The following HAS3 variants were observed in gnomAD, a reference collection of about 807,000 sequenced individuals.
The protein encoded by HAS3 is HA synthase 3.
A neutral mutation model predicts 50.3 loss-of-function variants in HAS3; 27 were observed. That is an observed-to-expected ratio of 0.54 (90% CI 0.40 to 0.74). The LOEUF (loss-of-function observed/expected upper bound fraction) is 0.74, where lower values mean the gene tolerates loss of function less well. Among genes scored for constraint, HAS3 ranks in the 30% least tolerant of loss-of-function variants. HAS3 has a pLI of 0.00. For synonymous variants in HAS3, 339 were observed against 310.9 expected (o/e 1.09, Z -0.95); for missense variants, 517 against 742.8 (o/e 0.70, Z 3.53).
the HAS3 span, among the ~76,000 whole-genome samples, chr16:69,094,165 A>C: frequency 1.3e-5 from 2 of 152,292 alleles, no homozygotes; most frequent in East Asian, 3.9e-4. Context: ...TAAGTGGTTT[A>C]TTAAATGATG....
the HAS3 span, among the ~76,000 whole-genome samples, chr16:69,088,764 T>C: frequency 1.3e-5 from 2 of 151,740 alleles, no homozygotes. Context: ...TTCCAGGTAA[T>C]GGGAACAGCA....
At chr16:69,089,497 T>C in the HAS3 span, among the ~76,000 whole-genome samples, 1 of 152,216 alleles carries the variant, frequency 6.6e-6, no homozygotes, top group African/African-American at 2.4e-5. Context: ...CAGCAAGCTC[T>C]GCAGCTACAG....
chr16:69,088,651 C>T, the HAS3 span, among the ~76,000 whole-genome samples: 50 of 151,302 alleles, frequency 3.3e-4, no homozygotes, highest in African/African-American at 1.1e-3. Flanking sequence ...AGCGTGGGAA[C>T]AGTAAGTTGA....
upstream of HAS3, among the ~76,000 whole-genome samples, chr16:69,105,101 G>A (rs1385493334): frequency 6.8e-6 from 1 of 146,388 alleles, no homozygotes. Context: ...TCCACCTGCG[G>A]GGTTCAAGCG....
chr16:69,114,108 T>A lies in HAS3; in HGVS notation c.739-235T>A, dbSNP rs903252368. ...GGCTTTGACTGCTAGAGCCACTTAG[T>A]GGGGAAAATCTCTGCAGATAAGATG... On this transcript the variant is annotated intron_variant, in intron 3 of 3. Transcript: ENST00000569188. The surrounding 1 kb of genome is among the most constrained non-coding windows in gnomAD (Gnocchi z 6.4). 6.6e-6 allele frequency among the ~76,000 whole-genome samples: 1 copy of A among 152,032 alleles called. No homozygotes were observed. The highest frequency in any genetic ancestry group is 1.5e-5 in the Non-Finnish European group (1 of 67,994).
At chr16:69,089,547 C>G in the HAS3 span, among the ~76,000 whole-genome samples, 1 of 152,206 alleles carries the variant, frequency 6.6e-6, no homozygotes, top group Non-Finnish European at 1.5e-5. Flanking sequence ...CTGCAGTGCG[C>G]GGCACCTCTG....
Position 69,116,034 on chromosome 16 carries a change from A to G in HAS3, c.*768A>G. 1 of 985,740 alleles carries G rather than the reference A, an allele frequency of 1.0e-6. No homozygotes were observed. 61.1% of individuals were successfully genotyped at this position (985,740 alleles called of 1,614,324 possible). A position where few individuals can be genotyped will look rare whatever the true frequency, so the allele number is the denominator to read the frequency against. On this transcript the variant is annotated 3_prime_UTR_variant, in exon 4 of 4. Coordinates refer to ENST00000569188, the MANE Select transcript of HAS3 (RefSeq NM_001199280.2). ...ACCTGGAAACTGCTCAGACGTCTAG[A>G]TGGGTTCTTAGCTTGTCTGTGATCT...
chr16:69,098,215 C>CA, the HAS3 span, among the ~76,000 whole-genome samples: 3 of 152,020 alleles, frequency 2.0e-5, no homozygotes, highest in African/African-American at 4.8e-5. Flanking sequence ...ACTAAAAATA[C>CA]AAAAAATTAG....
rs1187253708 is a variant in HAS3, at chr16:69,115,027, G to C, written c.1423G>C (p.Val475Leu). ...GGGCACCTCTGGCCGAAAAACCATTGTGGTGAACTTCATTGGCCTCATTCC... is the reference window on the plus strand; with the variant it reads ...GGGCACCTCTGGCCGAAAAACCATTCTGGTGAACTTCATTGGCCTCATTCC... ...GWGTSGRKTI[V>L]VNFIGLIPVS... Residue 475 changes from valine to leucine, a missense_variant, in exon 4 of 4, where the codon GTG becomes CTG. Val to Leu is a conservative substitution (Grantham distance 32). Transcript: ENST00000569188. The C allele has an allele frequency of 6.2e-7, 1 of 1,614,016 alleles. No homozygotes were observed. Among genetic ancestry groups the C allele is most frequent in the African/African-American group, 1.3e-5 (1 of 74,912 alleles).
At chr16:69,118,030 A>T, downstream of HAS3, 1 of 362,760 alleles carries the variant, frequency 2.8e-6, no homozygotes, top group Non-Finnish European at 5.1e-6. Context: ...CCCATTTATT[A>T]AAGAAACAGT....
Position 69,109,560 on chromosome 16 carries a change from C to G in HAS3, c.165C>G (p.His55Gln). ...TGTACGGCGCCATCCTGGGCCTGCA[C>G]CTGCTCATTCAGAGCCTTTTTGCCT... ...FGLYGAILGL[H>Q]LLIQSLFAFL... is the part of the protein sequence containing the mutation. The change falls in exon 2 of 4, where the codon CAC becomes CAG. Residue 55 changes from histidine (H) to glutamine (Q), a missense_variant. Coordinates refer to ENST00000569188, the MANE Select transcript of HAS3 (RefSeq NM_001199280.2). The surrounding 1 kb of genome is among the most constrained non-coding windows in gnomAD (Gnocchi z 5.3). The G allele has an allele frequency of 6.2e-7, 1 of 1,613,848 alleles. No homozygotes were observed. The highest frequency in any genetic ancestry group is 8.5e-7 in the Non-Finnish European group (1 of 1,180,046).
the HAS3 span, among the ~76,000 whole-genome samples, chr16:69,100,425 A>G: frequency 9.2e-5 from 14 of 152,238 alleles, 1 homozygote; most frequent in South Asian, 4.2e-4. Context: ...GCCCAGGGAA[A>G]GTGGATGGGG....
chr16:69,103,503 C>A (rs574456518), upstream of HAS3, among the ~76,000 whole-genome samples: 1 of 152,166 alleles, frequency 6.6e-6, no homozygotes, highest in Non-Finnish European at 1.5e-5. Flanking sequence ...TCAAGTGATT[C>A]TCCTGCCTCA....
In HAS3 at chr16:69,115,434, C is replaced by T. The variant is rs1189855635; in HGVS notation, c.*168C>T. ...ACGGTGATGTAGTATGGCCTGACAG[C>T]TCTGTTTAGAGGAGGCAACACTGAT... On this transcript the variant is annotated 3_prime_UTR_variant, in exon 4 of 4. Coordinates refer to ENST00000569188, the MANE Select transcript of HAS3 (RefSeq NM_001199280.2). 1.5e-6 allele frequency: 2 copies of T among 1,348,850 alleles called. No individual in the cohort carries two copies. Among genetic ancestry groups the T allele is most frequent in the South Asian group, 2.2e-5 (1 of 44,538 alleles). 83.6% of individuals were successfully genotyped at this position (1,348,850 alleles called of 1,614,324 possible).
the HAS3 span, among the ~76,000 whole-genome samples, chr16:69,086,008 C>T: frequency 5.3e-5 from 8 of 151,370 alleles, no homozygotes; most frequent in Non-Finnish European, 1.2e-4. Flanking sequence ...GCTGGGATCA[C>T]AGGTGTGCAC....
upstream of HAS3, among the ~76,000 whole-genome samples, chr16:69,104,992 G>GTGTT (rs1960749369): frequency 2.4e-5 from 2 of 81,958 alleles, no homozygotes; most frequent in Non-Finnish European, 4.5e-5. Context: ...CTGTTTTTTG[G>GTGTT]TTTTTTTTTT....
the HAS3 span, among the ~76,000 whole-genome samples, chr16:69,087,904 A>T: frequency 4.8e-5 from 7 of 146,378 alleles, no homozygotes; most frequent in Non-Finnish European, 1.0e-4. Flanking sequence ...GGGTTTCGCC[A>T]TGTTAGCCAG....
intron 2 of HAS3, among the ~76,000 whole-genome samples, chr16:69,110,760 C>T (rs1042710995): frequency 1.3e-5 from 2 of 152,214 alleles, no homozygotes; most frequent in African/African-American, 4.8e-5. Context: ...CTTCTCTTAC[C>T]TGTGATGCAG....
chr16:69,113,555 C>G lies in HAS3; in HGVS notation c.738+13C>G, dbSNP rs1330057995. The G allele has an allele frequency of 1.4e-6, 2 of 1,472,778 alleles. No homozygotes were observed. Among genetic ancestry groups the G allele is most frequent in the Non-Finnish European group, 1.9e-6 (2 of 1,054,656 alleles). The allele number at this position is 1,472,778 out of a possible 1,614,324, so 91.2% of individuals were successfully genotyped here. On this transcript the variant is annotated intron_variant, in intron 3 of 3. Coordinates refer to ENST00000569188, the MANE Select transcript of HAS3 (RefSeq NM_001199280.2). ...GGGAGATGTCCAGGTAAGATGAGACCAGGGATATCTGTGGGGAGGGGTCTG... is the reference window on the plus strand; with the variant it reads ...GGGAGATGTCCAGGTAAGATGAGACGAGGGATATCTGTGGGGAGGGGTCTG...
Sources: allele counts gnomAD v4.1 joint callset (sites outside exome capture counted in the v4.1 genomes callset), GRCh38; gene constraint gnomAD v4.1.1; non-coding constraint Gnocchi (gnomAD v3.1); transcripts MANE v1.5; gene names NCBI Gene and HGNC (gene_info 2026-07-23, HGNC 2026-07-21).